The following SLC6A19 variants were observed in gnomAD, a reference collection of about 807,000 sequenced individuals.
SLC6A19 encodes solute carrier family 6 member 19.
In SLC6A19, 67 loss-of-function variants were observed where a neutral mutation model predicts 68.3. The ratio of observed to expected loss-of-function variants is 0.98; its 90% CI spans 0.81 to 1.20. The LOEUF is 1.20. Ranked by LOEUF, SLC6A19 falls within the 50% of genes most tolerant of loss-of-function variation. The pLI is 0.00. For synonymous variants in SLC6A19, 392 were observed against 374.9 expected, an observed-to-expected ratio of 1.05 and a Z score of -0.53; for missense variants, 813 against 851.6, an observed-to-expected ratio of 0.95 and a Z score of 0.56.
rs920876124 is a variant in SLC6A19, at chr5:1,219,792, G to A, written c.1538+128G>A. 72 of 1,289,504 alleles carry A rather than the reference G, an allele frequency of 5.6e-5. 1 individual carries two copies. Among genetic ancestry groups the A allele is most frequent in the Admixed American group, 4.3e-4 (23 of 53,876 alleles). 79.9% of individuals were successfully genotyped at this position (1,289,504 alleles called of 1,614,324 possible). ...AGTCTATGACTCGGGGCCTCGGCCG[G>A]CCACAGAGGCTGGTGTAGACCTGTC... On this transcript the variant is annotated intron_variant, in intron 10 of 11. Coordinates refer to ENST00000304460, the MANE Select transcript of SLC6A19 (RefSeq NM_001003841.3).
rs918351164 is a variant in SLC6A19 at position 1,222,274 on chromosome 5, G to A, written c.*370G>A. 1 of 565,052 alleles carries A rather than the reference G, an allele frequency of 1.8e-6. No homozygotes were observed. Among genetic ancestry groups the A allele is most frequent in the South Asian group, 2.5e-5 (1 of 39,698 alleles). The allele number at this position is 565,052 out of a possible 1,614,324, so 35.0% of individuals were successfully genotyped here. ...TGTGTGCGATATTTGCTGCCCGTGT[G>A]TGTGCATGTATATATAGACATACAT... On this transcript the variant is annotated 3_prime_UTR_variant, in exon 12 of 12. Coordinates refer to ENST00000304460, the MANE Select transcript of SLC6A19 (RefSeq NM_001003841.3).
chr5:1,211,281 T>C (rs2126500938), intron 3 of SLC6A19, among the ~76,000 whole-genome samples: 1 of 152,334 alleles, frequency 6.6e-6, no homozygotes, highest in East Asian at 1.9e-4. Context: ...GGCCCTTTCC[T>C]GCCTCCGGGG....
Position 1,214,792 on chromosome 5 carries a change from G to A in SLC6A19, c.887+727G>A, listed in dbSNP as rs919331791. Among the ~76,000 whole-genome samples, 4 of 150,948 alleles carry A rather than the reference G, an allele frequency of 2.6e-5. No homozygotes were observed. The highest frequency in any genetic ancestry group is 6.6e-5 in the Admixed American group (1 of 15,166). The stretch of plus-strand genomic sequence containing the variant: ...AAGGTGCGATTGGAGTCAGACACAG[G>A]GGACCCTCAGTGCAAGGGGGCAGGG... On this transcript the variant is annotated intron_variant, in intron 6 of 11. Transcript: ENST00000304460. This position sits in a 1 kb window ranked among gnomAD's most constrained non-coding sequence, Gnocchi z 7.4.
rs767601861 is a variant in SLC6A19 at position 1,223,097 on chromosome 5, G to A, written c.*1193G>A. ...GAAGCCGGAGTGGGCAGTTGCTGGC[G>A]ATTCTGAGAAAACTTGGCCGCATCC... On this transcript the variant is annotated 3_prime_UTR_variant, in exon 12 of 12. Coordinates refer to ENST00000304460, the MANE Select transcript of SLC6A19 (RefSeq NM_001003841.3). The A allele has an allele frequency of 3.3e-5, 5 of 152,192 alleles. No individual in the cohort carries two copies. The highest frequency in any genetic ancestry group is 4.8e-5 in the African/African-American group (2 of 41,422). The allele number at this position is 152,192 out of a possible 1,614,324, so 9.4% of individuals were successfully genotyped here.
chr5:1,212,301 A>C lies in SLC6A19; in HGVS notation c.482-2A>C, dbSNP rs751451573. The C allele has an allele frequency of 7.4e-6, 12 of 1,613,030 alleles. No homozygotes were observed. In the East Asian group the frequency reaches 2.7e-4, roughly 36 times the overall value. ...GAGGTGTGTGAATGGCCCTCTCCCC[A>C]GGGTATGTGGACGAGTGCGCCAGGA... is the stretch of plus-strand genomic sequence containing the variant. On this transcript the variant is annotated splice_acceptor_variant, in intron 3 of 11. Coordinates refer to ENST00000304460, the MANE Select transcript of SLC6A19 (RefSeq NM_001003841.3). LOFTEE classifies it high-confidence loss of function. The surrounding 1 kb of genome is among the most constrained non-coding windows in gnomAD (Gnocchi z 5.1).
At chr5:1,207,176 G>A (rs184174537) in intron 1 of SLC6A19, among the ~76,000 whole-genome samples, 23 of 152,278 alleles carry the variant, frequency 1.5e-4, no homozygotes, top group Middle Eastern at 3.4e-3. Context: ...CTCCACCTTC[G>A]AGTGAAGGAC....
rs1746132435 is a variant in SLC6A19 at position 1,214,060 on chromosome 5, T to C, written c.882T>C (p.Ser294=). The part of the protein sequence containing the change: ...GGLISFSSYN[S]VHNNCEKDSV... ...TCATCTCCTTCTCCAGCTACAACTC[T>C]GTGCAGTGAGTGCGGGTGTGGTGGG... The change falls in exon 6 of 12, where the codon TCT becomes TCC. Residue 294 remains serine (S), a synonymous_variant. Coordinates refer to ENST00000304460, the MANE Select transcript of SLC6A19 (RefSeq NM_001003841.3). The surrounding 1 kb of genome is among the most constrained non-coding windows in gnomAD (Gnocchi z 7.4). The C allele has an allele frequency of 3.7e-6, 6 of 1,613,696 alleles. No individual in the cohort carries two copies. The highest frequency in any genetic ancestry group is 5.1e-6 in the Non-Finnish European group (6 of 1,179,998).
In SLC6A19 at chr5:1,218,966, TC is replaced by T. The variant is rs778016026; in HGVS notation, c.1241del (p.Pro414HisfsTer62). 6.2e-7 allele frequency: 1 copy of T among 1,614,080 alleles called. No homozygotes were observed. Among genetic ancestry groups the T allele is most frequent in the South Asian group, 1.1e-5 (1 of 91,082 alleles). On this transcript the variant is annotated frameshift_variant, in exon 9 of 12. Coordinates refer to ENST00000304460, the MANE Select transcript of SLC6A19 (RefSeq NM_001003841.3). LOFTEE classifies it high-confidence loss of function. ...CGAGGCCATCACCAAGATGCCGTTG[TC>T]CCCACTGTGGTCTGTGCTCTTCTTC... ...FTEAITKMPL[S>X]PLWSVLFFIM...
intron 11 of SLC6A19, 99 bp downstream of exon 11, chr5:1,221,412 C>A: frequency 1.4e-6 from 2 of 1,421,832 alleles, no homozygotes; most frequent in Non-Finnish European, 1.9e-6. Context: ...ACAATACACA[C>A]ACCCACACAC....
intron 9 of SLC6A19, among the ~76,000 whole-genome samples, 153 bp from the exon 10 acceptor site, chr5:1,219,352 G>T (rs1354349972): frequency 7.1e-6 from 1 of 141,750 alleles, no homozygotes; most frequent in South Asian, 2.2e-4. Context: ...GGGCATGTGA[G>T]CAGCTCTGTC....
chr5:1,210,704 G>A (rs187577951), intron 3 of SLC6A19, 123 bp downstream of exon 3: 7 of 1,420,204 alleles, frequency 4.9e-6, no homozygotes, highest in Non-Finnish European at 6.8e-6. Flanking sequence ...AAGGCAACAG[G>A]GTGTCAAAAA....
Position 1,213,972 on chromosome 5 carries a change from C to T in SLC6A19, c.794C>T (p.Pro265Leu), listed in dbSNP as rs148139045. The part of the protein sequence containing the change: ...FTPNVTELAQ[P>L]DTWLDAGAQV... The stretch of plus-strand genomic sequence containing the variant: ...GCGCAGGTCACGGAGCTGGCCCAGC[C>T]GGACACCTGGCTGGACGCGGGCGCA... Residue 265 changes from proline (P) to leucine (L), a missense_variant, in exon 6 of 12, where the codon CCG becomes CTG. Pro to Leu is a moderately conservative substitution (Grantham distance 98). Transcript: ENST00000304460. The T allele has an allele frequency of 1.2e-4, 186 of 1,613,472 alleles. No individual in the cohort carries two copies. The highest frequency in any genetic ancestry group is 1.6e-4 in the Middle Eastern group (1 of 6,062).
rs1431699412 is a variant in SLC6A19 at position 1,216,896 on chromosome 5, A to G, written c.1124A>G (p.Tyr375Cys). 7 of 1,613,496 alleles carry G rather than the reference A, an allele frequency of 4.3e-6. No individual in the cohort carries two copies. The highest frequency in any genetic ancestry group is 5.9e-6 in the Non-Finnish European group (7 of 1,180,038). ...TGCAACGCCTCCGACCCCGCGGCCT[A>G]CGCGCAGCTGGTGTTCCAGACCTGC... ...QRCNASDPAA[Y>C]AQLVFQTCDI... is the part of the protein sequence containing the mutation. The change falls in exon 8 of 12, where the codon TAC becomes TGC. Residue 375 changes from tyrosine to cysteine, a missense_variant. Coordinates refer to ENST00000304460, the MANE Select transcript of SLC6A19 (RefSeq NM_001003841.3).
intron 6 of SLC6A19, 86 bp from the exon 7 acceptor site, chr5:1,216,472 T>A: frequency 6.3e-7 from 1 of 1,598,854 alleles, no homozygotes; most frequent in Non-Finnish European, 8.5e-7. Flanking sequence ...GGGCTGGCGC[T>A]CTGGGCGGGA....
chr5:1,214,182 C>T lies in SLC6A19; in HGVS notation c.887+117C>T. ...GCTGTGTGGCCGGGGCCTTGCTGCC[C>T]CGATGGGCCCGTTCCCTCCTGCTCG... On this transcript the variant is annotated intron_variant, in intron 6 of 11. Coordinates refer to ENST00000304460, the MANE Select transcript of SLC6A19 (RefSeq NM_001003841.3). The surrounding 1 kb of genome is among the most constrained non-coding windows in gnomAD (Gnocchi z 7.4). 1 of 1,536,814 alleles carries T rather than the reference C, an allele frequency of 6.5e-7. No homozygotes were observed. The highest frequency in any genetic ancestry group is 8.8e-7 in the Non-Finnish European group (1 of 1,141,014).
In SLC6A19 at chr5:1,204,033, G is replaced by A. The variant is rs538569720; in HGVS notation, c.202+2181G>A. ...CTGGGAGGCCACACCCACAGACAGC[G>A]CACTCTCTCTCTGTGCATCTTAGTG... On this transcript the variant is annotated intron_variant, in intron 1 of 11. Coordinates refer to ENST00000304460, the MANE Select transcript of SLC6A19 (RefSeq NM_001003841.3). 6.6e-5 allele frequency among the ~76,000 whole-genome samples: 10 copies of A among 152,300 alleles called. No homozygotes were observed. The East Asian group carries it at 7.7e-4, about 12-fold the overall frequency.
intron 2 of SLC6A19, 67 bp from the exon 3 acceptor site, chr5:1,210,377 G>C: frequency 6.2e-7 from 1 of 1,602,166 alleles, no homozygotes; most frequent in Non-Finnish European, 8.5e-7. Flanking sequence ...CTCCTGCTCA[G>C]AGTGGGGATG....
At chr5:1,213,880 T>G in intron 5 of SLC6A19, 73 bp from the exon 6 acceptor site, 6 of 1,574,028 alleles carry the variant, frequency 3.8e-6, no homozygotes, top group Non-Finnish European at 4.3e-6. Context: ...CCCGCCTCCC[T>G]GGGAGCACAC....
intron 1 of SLC6A19, 111 bp downstream of exon 1, chr5:1,201,963 G>C: frequency 7.3e-7 from 1 of 1,378,690 alleles, no homozygotes; most frequent in Non-Finnish European, 9.7e-7. Context: ...CAAGCACGGA[G>C]GGGAGAGGAG....
Sources: allele counts gnomAD v4.1 joint callset (sites outside exome capture counted in the v4.1 genomes callset), GRCh38; gene constraint gnomAD v4.1.1; non-coding constraint Gnocchi (gnomAD v3.1); transcripts MANE v1.5; gene names NCBI Gene and HGNC (gene_info 2026-07-23, HGNC 2026-07-21).